The following CCDC38 variants were observed in gnomAD, a reference collection of about 807,000 sequenced individuals.
CCDC38 encodes the protein coiled-coil domain containing 38, also known as coiled-coil domain-containing protein 38.
Under a neutral mutation model 72.8 loss-of-function variants are expected in CCDC38, and 69 were observed. That is an observed-to-expected ratio of 0.95 (90% CI 0.78 to 1.16). The LOEUF (loss-of-function observed/expected upper bound fraction) is 1.16. Among genes scored for constraint, CCDC38 ranks in the 50% most tolerant of loss-of-function variants. CCDC38 has a pLI of 0.00. For missense variants in CCDC38, 626 were observed against 638.9 expected (o/e 0.98, Z 0.22); for synonymous variants, 201 against 213.2 (o/e 0.94, Z 0.50).
chr12:95,909,842 A>T (rs2080071543), intron 4 of CCDC38, among the ~76,000 whole-genome samples: 1 of 152,206 alleles, frequency 6.6e-6, no homozygotes, highest in Non-Finnish European at 1.5e-5. Context: ...CATTCAATAA[A>T]ATCCAACATC....
At chr12:95,931,105 A>C (rs997137117) in intron 2 of CCDC38, among the ~76,000 whole-genome samples, 3 of 152,182 alleles carry the variant, frequency 2.0e-5, no homozygotes, top group African/African-American at 7.2e-5. Flanking sequence ...TGGAGGCCAG[A>C]AGTCTGAAAT....
intron 7 of CCDC38, among the ~76,000 whole-genome samples, chr12:95,896,090 A>G (rs1398714747): frequency 8.1e-6 from 1 of 123,166 alleles, no homozygotes; most frequent in East Asian, 2.3e-4. Context: ...GTAGCAAAAG[A>G]TGGTACATTT....
chr12:95,872,512 A>G (rs1443238490), intron 13 of CCDC38, 52 bp from the exon 14 acceptor site: 4 of 1,158,180 alleles, frequency 3.5e-6, no homozygotes, highest in Non-Finnish European at 5.2e-6. Context: ...CATTCAATAA[A>G]TATACCATTT....
intron 2 of CCDC38, among the ~76,000 whole-genome samples, chr12:95,924,680 G>A (rs368833174): frequency 0.013 from 1,941 of 151,284 alleles, 36 homozygotes; most frequent in African/African-American, 0.044. Flanking sequence ...TAGGTCTAAC[G>A]TTTAAGTCTT....
chr12:95,893,855 T>C (rs939905215), intron 8 of CCDC38, among the ~76,000 whole-genome samples: 5 of 151,882 alleles, frequency 3.3e-5, no homozygotes, highest in Non-Finnish European at 7.4e-5. Context: ...ATAAATATGT[T>C]AATATATAAG....
intron 4 of CCDC38, among the ~76,000 whole-genome samples, chr12:95,910,314 C>CACACAT (rs2080077836): frequency 6.6e-6 from 1 of 151,892 alleles, no homozygotes; most frequent in Non-Finnish European, 1.5e-5. Context: ...CACACACACA[C>CACACAT]ACACACACAC....
At chr12:95,874,752 C>T (rs1302321322) in intron 13 of CCDC38, among the ~76,000 whole-genome samples, 1 of 152,188 alleles carries the variant, frequency 6.6e-6, no homozygotes, top group African/African-American at 2.4e-5. Flanking sequence ...CTTCAGGTGC[C>T]TTTCAACAGT....
chr12:95,898,340 T>C, intron 7 of CCDC38, 45 bp downstream of exon 7: 1 of 1,578,104 alleles, frequency 6.3e-7, no homozygotes, highest in Non-Finnish European at 8.7e-7. Context: ...TAGGTTTTAA[T>C]GGGTCGTGGA....
intron 11 of CCDC38, among the ~76,000 whole-genome samples, chr12:95,880,232 G>A (rs1431371974): frequency 6.6e-6 from 1 of 152,040 alleles, no homozygotes; most frequent in Non-Finnish European, 1.5e-5. Context: ...AAAATTACTT[G>A]GGCATTTGCA....
At chr12:95,917,063 G>T in intron 4 of CCDC38, 66 bp downstream of exon 4, 5 of 1,340,578 alleles carry the variant, frequency 3.7e-6, no homozygotes, top group Non-Finnish European at 5.0e-6. Flanking sequence ...CTCCAACAAA[G>T]CTCCCAAACC....
Position 95,942,563 on chromosome 12 carries a change from AG to A in CCDC38, c.-148del. ...CCCCAGCCCGGTTCCCGGTCATCTCAGGGACCGTCTGGTAGCTGATCCCGGA... is the reference window on the plus strand; with the variant it reads ...CCCCAGCCCGGTTCCCGGTCATCTCAGGACCGTCTGGTAGCTGATCCCGGA... On this transcript the variant is annotated 5_prime_UTR_variant, in exon 1 of 16. Transcript: ENST00000344280. The A allele has an allele frequency of 6.6e-6, 1 of 152,210 alleles. No individual in the cohort carries two copies. The highest frequency in any genetic ancestry group is 1.5e-5 in the Non-Finnish European group (1 of 68,108). The allele number at this position is 152,210 out of a possible 1,614,324, so 9.4% of individuals were successfully genotyped here. A position where few individuals can be genotyped will look rare whatever the true frequency, so the allele number is the denominator to read the frequency against.
chr12:95,926,535 A>G (rs1378413340), intron 2 of CCDC38, among the ~76,000 whole-genome samples: 4 of 151,662 alleles, frequency 2.6e-5, no homozygotes, highest in Non-Finnish European at 5.9e-5. Flanking sequence ...TTGTGTCTCT[A>G]TTTCCTTCAG....
chr12:95,867,327 G>C (rs2079530985), intron 15 of CCDC38, 138 bp from the exon 16 acceptor site: 2 of 626,096 alleles, frequency 3.2e-6, no homozygotes, highest in African/African-American at 1.9e-5. Context: ...ACAGTTAAAA[G>C]GGACTTATAA....
intron 2 of CCDC38, among the ~76,000 whole-genome samples, chr12:95,925,182 T>A (rs1471061915): frequency 1.3e-5 from 2 of 152,162 alleles, no homozygotes; most frequent in Non-Finnish European, 2.9e-5. Flanking sequence ...GCATGGAATG[T>A]TCTTCCATTT....
chr12:95,894,752 T>C (rs1173421323), intron 8 of CCDC38, among the ~76,000 whole-genome samples: 2 of 152,192 alleles, frequency 1.3e-5, no homozygotes, highest in Non-Finnish European at 2.9e-5. Flanking sequence ...ATAAACCTCT[T>C]TTCTTTATAA....
chr12:95,926,904 A>G (rs1256041954), intron 2 of CCDC38, among the ~76,000 whole-genome samples: 6 of 151,572 alleles, frequency 4.0e-5, no homozygotes, highest in Non-Finnish European at 8.8e-5. Context: ...GTGGTCTGAG[A>G]GATAGTTTGT....
chr12:95,916,639 G>T (rs7966680), intron 4 of CCDC38, among the ~76,000 whole-genome samples: 13,960 of 151,868 alleles, frequency 0.092, 805 homozygotes, highest in Non-Finnish European at 0.12. Flanking sequence ...GAGTAGTAAT[G>T]ATCATCTTAT....
intron 13 of CCDC38, among the ~76,000 whole-genome samples, chr12:95,878,006 C>T (rs1159898220): frequency 6.6e-6 from 1 of 152,160 alleles, no homozygotes; most frequent in African/African-American, 2.4e-5. Context: ...TTAAGAGAAC[C>T]CCAATGCCAA....
chr12:95,927,277 A>T (rs1354061418), intron 2 of CCDC38, among the ~76,000 whole-genome samples: 6 of 151,822 alleles, frequency 4.0e-5, no homozygotes, highest in Non-Finnish European at 8.8e-5. Flanking sequence ...TGTTGAATTG[A>T]TCCCTTTACC....
Sources: gnomAD v4.1 joint callset for allele counts (sites outside exome capture counted in the v4.1 genomes callset) on GRCh38, gnomAD v4.1.1 for gene constraint, MANE v1.5 for transcripts, NCBI Gene and HGNC (gene_info 2026-07-23, HGNC 2026-07-21) for gene names.